ST18: variants seen among roughly 807,000 people sequenced by gnomAD.
ST18 encodes suppression of tumorigenicity 18 protein.
A neutral mutation model predicts 110.0 loss-of-function variants in ST18; 50 were observed. That is an observed-to-expected ratio of 0.45 (90% CI 0.36 to 0.58). ST18 has a LOEUF of 0.58. ST18 is among the 20% of genes least tolerant of loss of function. The pLI is 0.00. For missense variants in ST18, 1,306 were observed against 1,280.1 expected (o/e 1.02, Z -0.31); for synonymous variants, 461 against 452.4 (o/e 1.02, Z -0.24).
intron 2 of ST18, among the ~76,000 whole-genome samples, chr8:52,249,680 TA>T (rs1293100878): frequency 1.1e-4 from 17 of 151,860 alleles, no homozygotes; most frequent in East Asian, 1.9e-4. Flanking sequence ...ACTAAAAAAA[TA>T]AAAAAAATTA....
chr8:52,223,401 T>G (rs2087755572), intron 3 of ST18, among the ~76,000 whole-genome samples: 1 of 152,192 alleles, frequency 6.6e-6, no homozygotes, highest in Admixed American at 6.5e-5. Context: ...CCCAGCACTT[T>G]GGGAGGCCGA....
chr8:52,121,861 T>A (rs73583963), intron 23 of ST18, among the ~76,000 whole-genome samples: 2,922 of 152,248 alleles, frequency 0.019, 97 homozygotes, highest in African/African-American at 0.066. Context: ...TATTATTATT[T>A]TTTGAGTCAG....
intron 8 of ST18, chr8:52,194,411 C>G (rs1330901503): frequency 6.6e-6 from 1 of 152,208 alleles, no homozygotes; most frequent in Admixed American, 6.5e-5. Context: ...TCCCAGTAAC[C>G]TGGAAACACC....
rs78815764 is a variant in ST18, at chr8:52,146,882, C to T, written c.2052+2850G>A. On this transcript the variant is annotated intron_variant, in intron 16 of 25. Transcript: ENST00000689386. Reference sequence around the variant, plus strand: ...ACTTTTATGTGTGTGTCTCCACCAGCCTCAGCTTTCCCAACCAATGAATCA... The same window carrying T: ...ACTTTTATGTGTGTGTCTCCACCAGTCTCAGCTTTCCCAACCAATGAATCA... Among the ~76,000 whole-genome samples the T allele has an allele frequency of 2.2e-3, 340 of 152,282 alleles. 2 individuals are homozygous for T. Among genetic ancestry groups the T allele is most frequent in the African/African-American group, 7.9e-3 (330 of 41,562 alleles).
chr8:52,116,455 G>A, intron 24 of ST18, 37 bp from the exon 25 acceptor site: 9 of 1,593,060 alleles, frequency 5.6e-6, no homozygotes, highest in Non-Finnish European at 7.7e-6. Flanking sequence ...GAGTAGTGGA[G>A]TTTGGAAGGA....
intron 22 of ST18, 69 bp downstream of exon 22, chr8:52,131,889 T>C (rs1475788492): frequency 6.6e-7 from 1 of 1,509,614 alleles, no homozygotes; most frequent in East Asian, 2.3e-5. Flanking sequence ...TTCACAACCC[T>C]CTCCCCAAGG....
At chr8:52,177,071 G>GT (rs1221427594) in intron 9 of ST18, among the ~76,000 whole-genome samples, 1 of 152,260 alleles carries the variant, frequency 6.6e-6, no homozygotes, top group South Asian at 2.1e-4. Context: ...TGAGCTTGTG[G>GT]TTACGCTGCT....
chr8:52,367,452 TA>T (rs1389155552), intron 2 of ST18, among the ~76,000 whole-genome samples: 3 of 152,076 alleles, frequency 2.0e-5, no homozygotes, highest in Non-Finnish European at 2.9e-5. Context: ...TTAAAAAATT[TA>T]AAAATATCCT....
At position 52,142,991 on chromosome 8, in the gene ST18, C is replaced by A. The variant is rs1406334322; in HGVS notation, c.2107G>T (p.Ala703Ser). ...NLEEKKFPGE[A>S]SIPSPKPKLH... Reference sequence around the variant, plus strand: ...TTGGGTTTAGGGCTTGGTATAGAGGCCTCTCCAGGAAACTTTTTTTCCTCT... The same window carrying A: ...TTGGGTTTAGGGCTTGGTATAGAGGACTCTCCAGGAAACTTTTTTTCCTCT... Residue 703 changes from alanine (A) to serine (S), a missense_variant, in exon 17 of 26, where the codon GCC becomes TCC. By Grantham distance (99) the Ala-to-Ser change is moderately conservative. Transcript: ENST00000689386. 2 of 1,614,032 alleles carry A rather than the reference C, an allele frequency of 1.2e-6. No homozygotes were observed. Among genetic ancestry groups the A allele is most frequent in the Admixed American group, 1.7e-5 (1 of 60,004 alleles).
chr8:52,137,479 G>A lies in ST18; in HGVS notation c.2173C>T (p.Pro725Ser), dbSNP rs2052932230. The A allele has an allele frequency of 1.2e-6, 2 of 1,614,000 alleles. No homozygotes were observed. Among genetic ancestry groups the A allele is most frequent in the Non-Finnish European group, 1.7e-6 (2 of 1,179,976 alleles). ...CCACTTCCATCACATCCTGGTGTTG[G>A]ACAGCTGAGTCAATAGAAAATACAT... ...RDLKKELITCPTPGCDGSGHV... is the reference protein window; with the variant it reads ...RDLKKELITCSTPGCDGSGHV... The change falls in exon 18 of 26, where the codon CCA becomes TCA. Residue 725 changes from proline (P) to serine (S), a missense_variant. By Grantham distance (74) the Pro-to-Ser change is moderately conservative. Coordinates refer to ENST00000689386, the MANE Select transcript of ST18 (RefSeq NM_001352837.2).
chr8:52,344,576 T>G (rs576025663), intron 2 of ST18, among the ~76,000 whole-genome samples: 44 of 152,176 alleles, frequency 2.9e-4, no homozygotes, highest in Admixed American at 2.6e-3. Context: ...AATTTTTGTA[T>G]TTTTAATAGA....
intron 2 of ST18, among the ~76,000 whole-genome samples, chr8:52,344,464 G>A (rs186409947): frequency 2.6e-4 from 40 of 151,950 alleles, no homozygotes; most frequent in Non-Finnish European, 3.8e-4. Flanking sequence ...GCAATGGCAG[G>A]ATCTCGGCTC....
chr8:52,368,138 A>G (rs1025759943), intron 2 of ST18, among the ~76,000 whole-genome samples: 1 of 152,164 alleles, frequency 6.6e-6, no homozygotes, highest in Non-Finnish European at 1.5e-5. Context: ...AACAAGTTTT[A>G]TGTGGAATTC....
Position 52,149,838 on chromosome 8 carries a change from C to T in ST18, c.1946G>A (p.Ser649Asn). The part of the protein sequence containing the change: ...TPSSSPFKTS[S>N]ILVNAAFYQA... Reference sequence around the variant, plus strand: ...ATAGAATGCTGCATTGACCAGAATGCTGCTTGTTTTGAATGGGGAAGAGGA... The same window carrying T: ...ATAGAATGCTGCATTGACCAGAATGTTGCTTGTTTTGAATGGGGAAGAGGA... Residue 649 changes from serine (S) to asparagine (N), a missense_variant, in exon 16 of 26, where the codon AGC (serine) becomes AAC (asparagine). By Grantham distance (46) the Ser-to-Asn change is conservative. Coordinates refer to ENST00000689386, the MANE Select transcript of ST18 (RefSeq NM_001352837.2). The T allele has an allele frequency of 6.2e-7, 1 of 1,614,110 alleles. No homozygotes were observed. The highest frequency in any genetic ancestry group is 8.5e-7 in the Non-Finnish European group (1 of 1,180,022).
At chr8:52,356,321 C>G (rs1205499327) in intron 2 of ST18, among the ~76,000 whole-genome samples, 1 of 151,894 alleles carries the variant, frequency 6.6e-6, no homozygotes, top group East Asian at 1.9e-4. Context: ...TTTTTTAGCC[C>G]CAAGTGTTTA....
intron 3 of ST18, among the ~76,000 whole-genome samples, chr8:52,224,644 G>A (rs1224509161): frequency 6.6e-6 from 1 of 152,156 alleles, no homozygotes; most frequent in Non-Finnish European, 1.5e-5. Context: ...GGCAAAGTGG[G>A]TCAATGGTAT....
At position 52,164,032 on chromosome 8, in the gene ST18, G is replaced by T. The variant is rs149497456; in HGVS notation, c.1354C>A (p.Gln452Lys). The change falls in exon 13 of 26, where the codon CAG becomes AAG. Residue 452 changes from glutamine (Q) to lysine (K), a missense_variant. Coordinates refer to ENST00000689386, the MANE Select transcript of ST18 (RefSeq NM_001352837.2). ...TGCCCAGTTTGGGGAGAATCAAGCT[G>T]ATTTTTATCCTGGGACATTGCCAAT... is the stretch of plus-strand genomic sequence containing the variant. The part of the protein sequence containing the change: ...EKLAMSQDKN[Q>K]LDSPQTGQCP... The T allele has an allele frequency of 1.8e-3, 2,963 of 1,614,152 alleles. 7 individuals are homozygous for T. Among genetic ancestry groups the T allele is most frequent in the Non-Finnish European group, 2.3e-3 (2,735 of 1,180,012 alleles).
intron 21 of ST18, among the ~76,000 whole-genome samples, 180 bp from the exon 22 acceptor site, chr8:52,132,359 T>C (rs2050025848): frequency 6.6e-6 from 1 of 152,220 alleles, no homozygotes. Context: ...CACTTAATAT[T>C]CACTACAATC....
chr8:52,156,617 C>A (rs73587528), intron 15 of ST18, among the ~76,000 whole-genome samples: 9,017 of 152,280 alleles, frequency 0.059, 438 homozygotes, highest in African/African-American at 0.13. Context: ...CTTTCTCTCA[C>A]TTTTGCTAAA....
Sources: gnomAD v4.1 joint callset for allele counts (sites outside exome capture counted in the v4.1 genomes callset) on GRCh38, gnomAD v4.1.1 for gene constraint, MANE v1.5 for transcripts, NCBI Gene and HGNC (gene_info 2026-07-23, HGNC 2026-07-21) for gene names.